NEGR1: variants seen among roughly 807,000 people sequenced by gnomAD.
NEGR1 encodes the protein IgLON family member 4.
NEGR1 carries 10 observed loss-of-function variants against 40.9 expected under a neutral mutation model. The observed-to-expected ratio is 0.24, with a 90% CI of 0.15 to 0.42. The LOEUF is 0.42. Ranked by LOEUF, NEGR1 falls within the 10% of genes least tolerant of loss-of-function variation. The pLI is 1.00. For synonymous variants in NEGR1, 185 were observed against 166.8 expected (o/e 1.11, Z -0.84); for missense variants, 352 against 438.9 (o/e 0.80, Z 1.77).
chr1:71,622,104 C>G lies in NEGR1; in HGVS notation c.668-10958G>C, dbSNP rs143282448. Among the ~76,000 whole-genome samples the G allele has an allele frequency of 4.9e-4, 74 of 151,990 alleles. 1 individual carries two copies. The highest frequency in any genetic ancestry group is 7.7e-4 in the Non-Finnish European group (52 of 67,852). ...AGCAATGCTCACTCCAGTGATGCAT[C>G]CACTGTAAAATATGTGTGAAATTTA... On this transcript the variant is annotated intron_variant, in intron 4 of 6. Transcript: ENST00000357731.
At chr1:71,540,299 C>A (rs985837430) in intron 6 of NEGR1, among the ~76,000 whole-genome samples, 2 of 151,736 alleles carry the variant, frequency 1.3e-5, no homozygotes, top group African/African-American at 2.4e-5. Flanking sequence ...AAGGATACAA[C>A]AAGAATCCAA....
chr1:71,618,178 C>T (rs1474723775), intron 4 of NEGR1, among the ~76,000 whole-genome samples: 3 of 152,148 alleles, frequency 2.0e-5, no homozygotes, highest in Admixed American at 6.6e-5. Context: ...GGTGCATGAT[C>T]GTCTTGCTCA....
At chr1:72,026,010 C>T (rs537597162) in intron 1 of NEGR1, among the ~76,000 whole-genome samples, 1 of 140,000 alleles carries the variant, frequency 7.1e-6, no homozygotes, top group South Asian at 2.4e-4. Context: ...ACTTGGGAGG[C>T]TGAGGCAGGA....
chr1:71,838,611 TGGCA>T (rs1481810764), intron 2 of NEGR1, among the ~76,000 whole-genome samples: 1 of 152,132 alleles, frequency 6.6e-6, no homozygotes, highest in Non-Finnish European at 1.5e-5. Flanking sequence ...TGCAAGTCTT[TGGCA>T]GTGAGTGTGA....
At chr1:71,565,629 G>C (rs1398713849) in intron 6 of NEGR1, among the ~76,000 whole-genome samples, 1 of 152,022 alleles carries the variant, frequency 6.6e-6, no homozygotes, top group African/African-American at 2.4e-5. Context: ...TTCTTCACCA[G>C]GTACAGTGCA....
At chr1:72,073,946 G>T (rs1647593694) in intron 1 of NEGR1, among the ~76,000 whole-genome samples, 1 of 151,940 alleles carries the variant, frequency 6.6e-6, no homozygotes, top group South Asian at 2.1e-4. Context: ...CAGGAATATA[G>T]AAATACAAAA....
chr1:71,845,566 C>T (rs1272943871), intron 2 of NEGR1, among the ~76,000 whole-genome samples: 1 of 152,088 alleles, frequency 6.6e-6, no homozygotes, highest in East Asian at 1.9e-4. Flanking sequence ...ACTATCATGT[C>T]CTATTCTAAA....
chr1:72,229,848 T>A (rs1221924505), intron 1 of NEGR1, among the ~76,000 whole-genome samples: 1 of 152,088 alleles, frequency 6.6e-6, no homozygotes, highest in Non-Finnish European at 1.5e-5. Flanking sequence ...ACATTCTGCT[T>A]TTATCAAAAA....
At chr1:72,089,837 T>C (rs1648392196) in intron 1 of NEGR1, among the ~76,000 whole-genome samples, 1 of 152,166 alleles carries the variant, frequency 6.6e-6, no homozygotes, top group African/African-American at 2.4e-5. Flanking sequence ...CAGTGATTAA[T>C]TTTAAATTTT....
At chr1:72,111,221 T>G (rs1489350024) in intron 1 of NEGR1, among the ~76,000 whole-genome samples, 1 of 151,696 alleles carries the variant, frequency 6.6e-6, no homozygotes, top group African/African-American at 2.4e-5. Flanking sequence ...TTTCTAAGCT[T>G]TAGTCTTCTC....
At position 72,074,446 on chromosome 1, in the gene NEGR1, G is replaced by A. The variant is rs892162810; in HGVS notation, c.177-139135C>T. 2.0e-5 allele frequency among the ~76,000 whole-genome samples: 3 copies of A among 151,652 alleles called. No individual in the cohort carries two copies. The East Asian group carries it at 5.8e-4, about 29-fold the overall frequency. ...ATATCACATATATCAGTTGGGAAAG[G>A]AAAAAATGTGTATCTCTGTCCACTG... On this transcript the variant is annotated intron_variant, in intron 1 of 6. Coordinates refer to ENST00000357731, the MANE Select transcript of NEGR1 (RefSeq NM_173808.3).
intron 1 of NEGR1, among the ~76,000 whole-genome samples, chr1:72,038,721 A>T (rs1426797637): frequency 6.6e-6 from 1 of 152,018 alleles, no homozygotes; most frequent in Non-Finnish European, 1.5e-5. Flanking sequence ...AAACAACATT[A>T]GAAAGAGATA....
At chr1:71,530,811 T>G (rs1046034564) in intron 6 of NEGR1, among the ~76,000 whole-genome samples, 2 of 151,266 alleles carry the variant, frequency 1.3e-5, no homozygotes, top group African/African-American at 4.8e-5. Context: ...TCAGAGTGCT[T>G]GAAAGGCTAA....
Position 71,851,452 on chromosome 1 carries a change from C to CA in NEGR1, c.410-75156dup, listed in dbSNP as rs1301661428. Among the ~76,000 whole-genome samples, 16 of 152,226 alleles carry CA rather than the reference C, an allele frequency of 1.1e-4. No homozygotes were observed. The South Asian group carries it at 2.7e-3, about 26-fold the overall frequency. The stretch of plus-strand genomic sequence containing the variant: ...TTAATTTTTAAAATTATTTTTACTA[C>CA]AGTTATGCATAGCACAATCGTTGTA... On this transcript the variant is annotated intron_variant, in intron 2 of 6. Transcript: ENST00000357731.
intron 6 of NEGR1, among the ~76,000 whole-genome samples, chr1:71,526,424 C>T (rs1647218041): frequency 6.6e-6 from 1 of 151,482 alleles, no homozygotes; most frequent in African/African-American, 2.4e-5. Flanking sequence ...TAGTATTCTC[C>T]TGTGTAAAGT....
At chr1:71,478,821 A>G (rs1329821003) in intron 6 of NEGR1, among the ~76,000 whole-genome samples, 1 of 151,888 alleles carries the variant, frequency 6.6e-6, no homozygotes, top group Non-Finnish European at 1.5e-5. Flanking sequence ...GTGTGTTAGT[A>G]GTGGTGCCTG....
At chr1:71,596,532 C>T (rs1380788372) in intron 5 of NEGR1, among the ~76,000 whole-genome samples, 2 of 152,210 alleles carry the variant, frequency 1.3e-5, no homozygotes, top group African/African-American at 2.4e-5. Flanking sequence ...CAGTCATAAC[C>T]TCCCTCCAGG....
intron 2 of NEGR1, among the ~76,000 whole-genome samples, chr1:71,788,687 G>C (rs1656999962): frequency 6.6e-6 from 1 of 152,034 alleles, no homozygotes; most frequent in South Asian, 2.1e-4. Context: ...ATGTGTGTGT[G>C]TGTGTGTGTG....
At chr1:72,042,036 T>C (rs1003503898) in intron 1 of NEGR1, among the ~76,000 whole-genome samples, 12 of 147,786 alleles carry the variant, frequency 8.1e-5, no homozygotes, top group Non-Finnish European at 1.8e-4. Flanking sequence ...GAAATATATA[T>C]ATATATCTAT....
Sources: allele counts gnomAD v4.1 joint callset (sites outside exome capture counted in the v4.1 genomes callset), GRCh38; gene constraint gnomAD v4.1.1; transcripts MANE v1.5; gene names NCBI Gene and HGNC (gene_info 2026-07-23, HGNC 2026-07-21).